Variants in ZNF385D observed in about 807,000 individuals in gnomAD.
ZNF385D encodes zinc finger protein 659.
A neutral mutation model predicts 35.8 loss-of-function variants in ZNF385D; 15 were observed. That is an observed-to-expected ratio of 0.42 (90% confidence interval 0.28 to 0.64). The LOEUF (loss-of-function observed/expected upper bound fraction) is 0.64. Ranked by LOEUF, ZNF385D falls within the 30% of genes least tolerant of loss-of-function variation. The probability of loss-of-function intolerance (pLI) is 0.23; values close to 1 mark genes in which losing one functional copy is unlikely to be tolerated. For synonymous variants in ZNF385D, 212 were observed against 186.8 expected, an observed-to-expected ratio of 1.13 and a Z score of -1.10; for missense variants, 474 against 494.6, an observed-to-expected ratio of 0.96 and a Z score of 0.39.
intron 3 of ZNF385D, among the ~76,000 whole-genome samples, chr3:22,029,766 G>C (rs1477951353): frequency 6.6e-6 from 1 of 151,960 alleles, no homozygotes; most frequent in Non-Finnish European, 1.5e-5. Flanking sequence ...TTGTATGAAG[G>C]GTAGTTGTAT....
intron 3 of ZNF385D, among the ~76,000 whole-genome samples, chr3:21,829,957 C>G (rs1011089659): frequency 8.5e-5 from 13 of 152,050 alleles, no homozygotes; most frequent in African/African-American, 2.9e-4. Flanking sequence ...AACCCCATCT[C>G]TACTAAAAAT....
At chr3:22,091,821 CCTT>C (rs1344468180) in intron 3 of ZNF385D, among the ~76,000 whole-genome samples, 1 of 152,142 alleles carries the variant, frequency 6.6e-6, no homozygotes, top group Non-Finnish European at 1.5e-5. Context: ...TTGTATGTCT[CCTT>C]CTTCCTGTTT....
intron 2 of ZNF385D, among the ~76,000 whole-genome samples, chr3:22,353,494 C>T (rs1479013029): frequency 6.6e-6 from 1 of 152,130 alleles, no homozygotes; most frequent in Non-Finnish European, 1.5e-5. Context: ...TTCACGATGT[C>T]CTGATATAAT....
Position 21,421,286 on chromosome 3 carries a change from A to G in ZNF385D, c.1116T>C (p.Pro372=). 1 of 1,614,106 alleles carries G rather than the reference A, an allele frequency of 6.2e-7. No individual in the cohort carries two copies. The highest frequency in any genetic ancestry group is 8.5e-7 in the Non-Finnish European group (1 of 1,180,012). The change falls in exon 8 of 8, where the codon CCT becomes CCC. Residue 372 remains proline (P), a synonymous_variant. Coordinates refer to ENST00000281523, the MANE Select transcript of ZNF385D (RefSeq NM_024697.3). The part of the protein sequence containing the change: ...AATLFQTSAL[P]PALLRPAPGP... Reference sequence around the variant, plus strand: ...CAGGAGCTGGCCGCAGGAGTGCCGGAGGAAGCGCGGAAGTCTGGAACAGTG... The same window carrying G: ...CAGGAGCTGGCCGCAGGAGTGCCGGGGGAAGCGCGGAAGTCTGGAACAGTG...
At chr3:21,828,906 T>C (rs1694822548) in intron 3 of ZNF385D, among the ~76,000 whole-genome samples, 1 of 152,206 alleles carries the variant, frequency 6.6e-6, no homozygotes, top group Non-Finnish European at 1.5e-5. Context: ...AGCACATCAG[T>C]ACAAACTCTG....
intron 3 of ZNF385D, among the ~76,000 whole-genome samples, chr3:21,782,882 A>C (rs2071546912): frequency 6.6e-6 from 1 of 152,086 alleles, no homozygotes; most frequent in African/African-American, 2.4e-5. Flanking sequence ...ATGTAACTTA[A>C]CCTGGTTATA....
intron 3 of ZNF385D, among the ~76,000 whole-genome samples, chr3:21,912,018 T>C (rs1575896218): frequency 1.3e-5 from 2 of 152,082 alleles, no homozygotes; most frequent in East Asian, 3.9e-4. Context: ...GTTAAAATTA[T>C]ATTTGAACTA....
At chr3:22,173,156 C>T (rs966760141) in intron 2 of ZNF385D, among the ~76,000 whole-genome samples, 11 of 152,106 alleles carry the variant, frequency 7.2e-5, no homozygotes, top group Non-Finnish European at 1.0e-4. Context: ...GCAAAACTGT[C>T]AAGGTCATCA....
At chr3:21,582,223 C>T (rs2063687728) in intron 2 of ZNF385D, among the ~76,000 whole-genome samples, 1 of 152,138 alleles carries the variant, frequency 6.6e-6, no homozygotes, top group Non-Finnish European at 1.5e-5. Context: ...AAACAAACTT[C>T]TGAACTCAAT....
rs186524843 is a variant in ZNF385D, at chr3:22,356,518, A to G, written c.106+15932T>C. Among the ~76,000 whole-genome samples, 320 of 152,074 alleles carry G rather than the reference A, an allele frequency of 2.1e-3. 6 individuals are homozygous for G. In the South Asian group the frequency reaches 0.035, roughly 17 times the overall value. ...CTTGGCTATAGAAACTTCCGTCTGA[A>G]TGAGATTCCAGCAGGTCTTCTGTGC... is the stretch of plus-strand genomic sequence containing the variant. On this transcript the variant is annotated intron_variant, in intron 2 of 5. Coordinates refer to the ZNF385D transcript ENST00000494108.
intron 2 of ZNF385D, among the ~76,000 whole-genome samples, chr3:21,637,006 G>A (rs2065470595): frequency 6.6e-6 from 1 of 151,870 alleles, no homozygotes; most frequent in Non-Finnish European, 1.5e-5. Context: ...TTAGTCCTTT[G>A]TCAGATGTAT....
At chr3:22,369,952 TAATTA>T (rs1474992297) in intron 2 of ZNF385D, among the ~76,000 whole-genome samples, 2 of 152,176 alleles carry the variant, frequency 1.3e-5, no homozygotes, top group African/African-American at 2.4e-5. Context: ...TGCAACATTT[TAATTA>T]AATTACAAAA....
In ZNF385D at chr3:22,189,007, A is replaced by G. The variant is rs116762676; in HGVS notation, c.107-19972T>C. Among the ~76,000 whole-genome samples, 997 of 151,998 alleles carry G rather than the reference A, an allele frequency of 6.6e-3. 9 individuals are homozygous for G. The highest frequency in any genetic ancestry group is 0.023 in the African/African-American group (937 of 41,534). On this transcript the variant is annotated intron_variant, in intron 2 of 5. Coordinates refer to the ZNF385D transcript ENST00000494108. ...AGAGCAAGTTCTCTTAGAAAGCCCA[A>G]CAGCCTCCTAGGCTTAGCAGAAAAA...
chr3:21,837,745 G>A (rs1421527291), intron 3 of ZNF385D, among the ~76,000 whole-genome samples: 4 of 151,800 alleles, frequency 2.6e-5, no homozygotes, highest in East Asian at 1.9e-4. Context: ...GGTGGCGTGC[G>A]CCTGTAGTCC....
intron 2 of ZNF385D, among the ~76,000 whole-genome samples, chr3:22,309,751 TTC>T (rs1462884839): frequency 4.6e-5 from 7 of 152,100 alleles, no homozygotes; most frequent in Admixed American, 4.6e-4. Context: ...AAGAGTAGTA[TTC>T]TCTCTCTCTT....
intron 3 of ZNF385D, among the ~76,000 whole-genome samples, chr3:21,781,940 A>G (rs1401605428): frequency 6.6e-6 from 1 of 152,058 alleles, no homozygotes; most frequent in Non-Finnish European, 1.5e-5. Context: ...AGCAACTTTC[A>G]TCACTCCTCA....
At chr3:21,837,498 C>A (rs761812250) in intron 3 of ZNF385D, among the ~76,000 whole-genome samples, 3 of 152,000 alleles carry the variant, frequency 2.0e-5, no homozygotes, top group Non-Finnish European at 4.4e-5. Context: ...CAAGTGAGTA[C>A]AGGTGCATGG....
chr3:22,085,532 G>T (rs960387025), intron 3 of ZNF385D, among the ~76,000 whole-genome samples: 5 of 152,122 alleles, frequency 3.3e-5, no homozygotes, highest in Non-Finnish European at 5.9e-5. Flanking sequence ...CCAGGAAGAA[G>T]TTGAATCCCT....
At chr3:21,766,633 G>A (rs17009480) in intron 3 of ZNF385D, among the ~76,000 whole-genome samples, 6,798 of 152,148 alleles carry the variant, frequency 0.045, 492 homozygotes, top group African/African-American at 0.15. Context: ...CAGTATTCAA[G>A]GCCCACTATG....
Sources: allele counts gnomAD v4.1 joint callset (sites outside exome capture counted in the v4.1 genomes callset), GRCh38; gene constraint gnomAD v4.1.1; transcripts MANE v1.5; gene names NCBI Gene and HGNC (gene_info 2026-07-23, HGNC 2026-07-21).